Variants in LRP2 observed in about 807,000 individuals in gnomAD.
LRP2 encodes the protein LDL receptor related protein 2.
In LRP2, 172 loss-of-function variants were observed where a neutral mutation model predicts 531.0. That is an observed-to-expected ratio of 0.32 (90% CI 0.29 to 0.37). The LOEUF (loss-of-function observed/expected upper bound fraction) is 0.37. LRP2 is among the 10% of genes least tolerant of loss of function. LRP2 has a pLI of 1.00. For missense variants in LRP2, 5,167 were observed against 5,868.3 expected, an observed-to-expected ratio of 0.88 and a Z score of 3.90; for synonymous variants, 1,992 against 2,027.6, an observed-to-expected ratio of 0.98 and a Z score of 0.47.
chr2:169,357,784 T>G (rs1686032846), intron 1 of LRP2, among the ~76,000 whole-genome samples: 1 of 152,172 alleles, frequency 6.6e-6, no homozygotes, highest in Admixed American at 6.5e-5. Context: ...AAATTTTAAT[T>G]TAAATATTTT....
chr2:169,297,636 GC>G (rs2105476748), intron 4 of LRP2, among the ~76,000 whole-genome samples: 1 of 152,202 alleles, frequency 6.6e-6, no homozygotes, highest in East Asian at 1.9e-4. Context: ...ATTGGGAGCT[GC>G]CCCAAAATTA....
intron 16 of LRP2, among the ~76,000 whole-genome samples, chr2:169,261,334 T>G (rs984665468): frequency 6.6e-6 from 1 of 151,920 alleles, no homozygotes; most frequent in Non-Finnish European, 1.5e-5. Context: ...TTAATATGAT[T>G]TCTTTTTCTT....
chr2:169,185,636 C>T lies in LRP2; in HGVS notation c.9712G>A (p.Glu3238Lys). Residue 3238 changes from glutamate to lysine, a missense_variant, in exon 50 of 79, where the codon GAG becomes AAG. By Grantham distance (56) the Glu-to-Lys change is moderately conservative (BLOSUM62 1). Coordinates refer to ENST00000649046, the MANE Select transcript of LRP2 (RefSeq NM_004525.3). Reference protein sequence around the residue: ...NVVALDFDRVEKRLYWIDTQR... With the variant: ...NVVALDFDRVKKRLYWIDTQR... ...GTATCAATCCAATACAATCTCTTCT[C>T]TACTCGGTCAAAATCTAATGCCACA... The T allele has an allele frequency of 6.2e-7, 1 of 1,614,172 alleles. No individual in the cohort carries two copies. Among genetic ancestry groups the T allele is most frequent in the Non-Finnish European group, 8.5e-7 (1 of 1,180,010 alleles).
At chr2:169,360,128 CAAAAAAA>C (rs67818940) in intron 1 of LRP2, among the ~76,000 whole-genome samples, 51 of 105,030 alleles carry the variant, frequency 4.9e-4, no homozygotes, top group East Asian at 7.1e-4. Context: ...CTGTCTCTCT[CAAAAAAA>C]AAAAAAAAAA....
At chr2:169,324,487 TA>T (rs1684990278) in intron 1 of LRP2, among the ~76,000 whole-genome samples, 1 of 152,090 alleles carries the variant, frequency 6.6e-6, no homozygotes, top group Non-Finnish European at 1.5e-5. Context: ...AACATAGCAT[TA>T]AAAAATTATT....
chr2:169,204,149 T>C lies in LRP2; in HGVS notation c.7838A>G (p.Gln2613Arg), dbSNP rs1688296718. The change falls in exon 42 of 79, where the codon CAA becomes CGA. Residue 2613 changes from glutamine to arginine, a missense_variant. Gln to Arg is a conservative substitution (Grantham distance 43). Transcript: ENST00000649046. The stretch of plus-strand genomic sequence containing the variant: ...ATATTTGTTAGCTCGGTAAATTCTT[T>C]GTGTGTACAAGTCAGTCCAGTAAAT... ...QYIYWTDLYT[Q>R]RIYRANKYDG... 6.8e-6 allele frequency: 11 copies of C among 1,614,076 alleles called. No individual in the cohort carries two copies. The highest frequency in any genetic ancestry group is 9.3e-6 in the Non-Finnish European group (11 of 1,180,038).
In LRP2 at chr2:169,244,156, C is replaced by A. The variant is rs115603768; in HGVS notation, c.3430+537G>T. On this transcript the variant is annotated intron_variant, in intron 22 of 78. Transcript: ENST00000649046. ...TCAGGCAACCAGGACTAGAACTTAG[C>A]CCAGGGAACTTTGCTCCATCTTAAA... Among the ~76,000 whole-genome samples, 1,068 of 152,228 alleles carry A rather than the reference C, an allele frequency of 7.0e-3. 7 individuals carry two copies. The highest frequency in any genetic ancestry group is 0.041 in the Middle Eastern group (12 of 294).
At chr2:169,155,266 T>C (rs1307868666) in intron 65 of LRP2, among the ~76,000 whole-genome samples, 1 of 152,228 alleles carries the variant, frequency 6.6e-6, no homozygotes, top group African/African-American at 2.4e-5. Flanking sequence ...TCATTTTATA[T>C]ATTTCCTCTA....
intron 44 of LRP2, among the ~76,000 whole-genome samples, chr2:169,200,113 T>C (rs1688150673): frequency 6.6e-6 from 1 of 151,984 alleles, no homozygotes; most frequent in African/African-American, 2.4e-5. Flanking sequence ...TAGCCAGGCA[T>C]GGTGGCGGGT....
chr2:169,172,200 C>T lies in LRP2; in HGVS notation c.11144-66G>A, dbSNP rs1687031994. The T allele has an allele frequency of 1.9e-6, 3 of 1,594,004 alleles. No individual in the cohort carries two copies. In the East Asian group the frequency reaches 6.7e-5, roughly 36 times the overall value. ...AGAGAAATGCACAAAGTAGTATTGG[C>T]TTCCTTGTGAGACAGTCTGAGAATT... On this transcript the variant is annotated intron_variant, in intron 57 of 78. Coordinates refer to ENST00000649046, the MANE Select transcript of LRP2 (RefSeq NM_004525.3).
chr2:169,330,950 G>T (rs1256869589), intron 1 of LRP2, among the ~76,000 whole-genome samples: 3 of 152,010 alleles, frequency 2.0e-5, no homozygotes, highest in African/African-American at 7.3e-5. Flanking sequence ...GAGCACCTAG[G>T]ATTGGGCAAT....
At chr2:169,219,919 C>G (rs1434190889) in intron 34 of LRP2, among the ~76,000 whole-genome samples, 1 of 152,074 alleles carries the variant, frequency 6.6e-6, no homozygotes, top group Admixed American at 6.6e-5. Context: ...CCCAAATGAC[C>G]TTATCTGTTG....
intron 44 of LRP2, among the ~76,000 whole-genome samples, chr2:169,201,085 G>A (rs1291095573): frequency 6.6e-6 from 1 of 152,142 alleles, no homozygotes; most frequent in Non-Finnish European, 1.5e-5. Flanking sequence ...TAAATTAAAT[G>A]GATCAATTAT....
chr2:169,340,521 G>A (rs1293257397), intron 1 of LRP2, among the ~76,000 whole-genome samples: 2 of 152,128 alleles, frequency 1.3e-5, no homozygotes, highest in Non-Finnish European at 2.9e-5. Flanking sequence ...GTGTTGTGTG[G>A]GACTTCTGGA....
At chr2:169,303,456 G>T (rs1478905784) in intron 4 of LRP2, among the ~76,000 whole-genome samples, 1 of 151,992 alleles carries the variant, frequency 6.6e-6, no homozygotes, top group Non-Finnish European at 1.5e-5. Flanking sequence ...GGTGGTGGCT[G>T]GTGCTCGGTG....
At position 169,145,639 on chromosome 2, in the gene LRP2, A is replaced by G. The variant is rs1040662698; in HGVS notation, c.12988+108T>C. On this transcript the variant is annotated intron_variant, in intron 70 of 78. Transcript: ENST00000649046. ...ACACATATACCCCTTTCATGCACCA[A>G]GAGATTAGCTTGTTGTTATCTACTG... 47 of 1,077,732 alleles carry G rather than the reference A, an allele frequency of 4.4e-5. No homozygotes were observed. In the East Asian group the frequency reaches 1.1e-3, roughly 26 times the overall value. 66.8% of individuals were successfully genotyped at this position (1,077,732 alleles called of 1,614,324 possible).
chr2:169,173,940 C>T lies in LRP2; in HGVS notation c.10993G>A (p.Asp3665Asn), dbSNP rs1687093082. ...DVDNDCGDHS[D>N]EPIEECMSSA... ...TTACTGCATTCTTCAATGGGCTCAT[C>T]CGAGTGGTCTCCACAATCATTATCC... is the stretch of plus-strand genomic sequence containing the variant. Residue 3665 changes from aspartate to asparagine, a missense_variant, in exon 56 of 79, where the codon GAT becomes AAT. Around this residue, in one of 6 missense-constraint regions of LRP2, gnomAD observed 311 missense variants for 309.4 expected, o/e 1.01. Coordinates refer to ENST00000649046, the MANE Select transcript of LRP2 (RefSeq NM_004525.3). The T allele has an allele frequency of 6.2e-7, 1 of 1,614,066 alleles. No homozygotes were observed. The highest frequency in any genetic ancestry group is 1.3e-5 in the African/African-American group (1 of 74,932).
intron 46 of LRP2, 98 bp downstream of exon 46, chr2:169,196,813 T>A: frequency 6.5e-7 from 1 of 1,539,522 alleles, no homozygotes; most frequent in Middle Eastern, 1.7e-4. Flanking sequence ...GTCCAAGCAT[T>A]CAGCAGCCAT....
chr2:169,247,498 C>T lies in LRP2; in HGVS notation c.2788G>A (p.Asp930Asn). 1 of 1,614,094 alleles carries T rather than the reference C, an allele frequency of 6.2e-7. No individual in the cohort carries two copies. Among genetic ancestry groups the T allele is most frequent in the Non-Finnish European group, 8.5e-7 (1 of 1,180,026 alleles). ...AIFGEHLFFT[D>N]WRLGAIIRVR... ...CGAATAATGGCACCCAGTCTCCAGT[C>T]AGTAAAAAATAAATGCTCTGAAAAG... Residue 930 changes from aspartate to asparagine, a missense_variant, in exon 20 of 79, where the codon GAC becomes AAC. Coordinates refer to ENST00000649046, the MANE Select transcript of LRP2 (RefSeq NM_004525.3).
Sources: gnomAD v4.1 joint callset for allele counts (sites outside exome capture counted in the v4.1 genomes callset) on GRCh38, gnomAD v4.1.1 for gene constraint, gnomAD v4.1.1 regional missense constraint, MANE v1.5 for transcripts, NCBI Gene and HGNC (gene_info 2026-07-23, HGNC 2026-07-21) for gene names.